SUCLG2: variants seen among roughly 807,000 people sequenced by gnomAD.
SUCLG2 encodes succinate--CoA ligase [GDP-forming] subunit beta, mitochondrial.
SUCLG2 carries 42 observed loss-of-function variants against 47.9 expected under a neutral mutation model. The ratio of observed to expected loss-of-function variants is 0.88; its 90% CI spans 0.69 to 1.14. The LOEUF (loss-of-function observed/expected upper bound fraction) is 1.14. Among genes scored for constraint, SUCLG2 ranks in the 50% most tolerant of loss-of-function variants. SUCLG2 has a pLI of 0.00. For synonymous variants in SUCLG2, 195 were observed against 197.3 expected, an observed-to-expected ratio of 0.99 and a Z score of 0.10; for missense variants, 571 against 525.9, an observed-to-expected ratio of 1.09 and a Z score of -0.84.
chr3:67,536,763 G>C (rs2107164725), intron 2 of SUCLG2, among the ~76,000 whole-genome samples: 1 of 152,234 alleles, frequency 6.6e-6, no homozygotes, highest in African/African-American at 2.4e-5. Flanking sequence ...TCATACAGCT[G>C]AAAAATGCAC....
chr3:67,473,704 C>T (rs1202057035), intron 9 of SUCLG2, among the ~76,000 whole-genome samples: 3 of 152,208 alleles, frequency 2.0e-5, no homozygotes, highest in Non-Finnish European at 2.9e-5. Context: ...CTGTTTTCTA[C>T]AGATAACTTC....
At chr3:67,507,213 T>C (rs572770765) in intron 7 of SUCLG2, among the ~76,000 whole-genome samples, 1 of 150,510 alleles carries the variant, frequency 6.6e-6, no homozygotes, top group Non-Finnish European at 1.5e-5. Flanking sequence ...TTAAAAAAAA[T>C]ATTTATGAAT....
At chr3:67,376,565 T>C (rs902823966) in intron 10 of SUCLG2, 2 of 923,000 alleles carry the variant, frequency 2.2e-6, no homozygotes, top group African/African-American at 3.6e-5. Context: ...CTACATCATT[T>C]CCTGTGCTTT....
At chr3:67,652,671 T>C (rs959770267) in intron 1 of SUCLG2, among the ~76,000 whole-genome samples, 1 of 152,222 alleles carries the variant, frequency 6.6e-6, no homozygotes, top group South Asian at 2.1e-4. Flanking sequence ...CATGTTGATA[T>C]AATATATTTT....
intron 1 of SUCLG2, among the ~76,000 whole-genome samples, chr3:67,627,682 T>C (rs1700858251): frequency 6.6e-6 from 1 of 152,240 alleles, no homozygotes; most frequent in Non-Finnish European, 1.5e-5. Context: ...ATAGAGATGA[T>C]ATCTGCTCCT....
intron 10 of SUCLG2, among the ~76,000 whole-genome samples, chr3:67,393,743 C>T (rs1006302118): frequency 2.6e-5 from 4 of 152,310 alleles, no homozygotes; most frequent in Non-Finnish European, 5.9e-5. Flanking sequence ...TGACCCCTGA[C>T]CCCTGAGCAG....
At position 67,633,123 on chromosome 3, in the gene SUCLG2, T is replaced by A. The variant is rs192094017; in HGVS notation, c.84+21380A>T. On this transcript the variant is annotated intron_variant, in intron 1 of 10. Coordinates refer to ENST00000307227, the MANE Select transcript of SUCLG2 (RefSeq NM_003848.4). Reference sequence around the variant, plus strand: ...ATGAAGGTACAGGTAGTGCATTTTTTAATTAATGTGCTTAAGCCAGAAAAC... The same window carrying A: ...ATGAAGGTACAGGTAGTGCATTTTTAAATTAATGTGCTTAAGCCAGAAAAC... Among the ~76,000 whole-genome samples the A allele has an allele frequency of 3.5e-3, 536 of 152,334 alleles. 3 individuals carry two copies. Among genetic ancestry groups the A allele is most frequent in the Non-Finnish European group, 5.0e-3 (337 of 68,028 alleles).
chr3:67,490,690 A>G (rs1282716255), intron 9 of SUCLG2, among the ~76,000 whole-genome samples: 1 of 152,230 alleles, frequency 6.6e-6, no homozygotes, highest in East Asian at 1.9e-4. Context: ...CAGAAAATAT[A>G]AAAAGCCAAA....
chr3:67,550,998 T>C (rs1707000460), intron 2 of SUCLG2, among the ~76,000 whole-genome samples: 1 of 152,318 alleles, frequency 6.6e-6, no homozygotes, highest in South Asian at 2.1e-4. Flanking sequence ...AAGTAAATGG[T>C]AGATGATAAT....
chr3:67,618,123 T>G (rs1700663067), intron 1 of SUCLG2, among the ~76,000 whole-genome samples: 1 of 152,156 alleles, frequency 6.6e-6, no homozygotes, highest in Non-Finnish European at 1.5e-5. Flanking sequence ...GAAAGCATCT[T>G]AAAATGTGCT....
intron 9 of SUCLG2, among the ~76,000 whole-genome samples, chr3:67,410,467 A>T (rs942558468): frequency 7.2e-5 from 11 of 151,830 alleles, no homozygotes; most frequent in African/African-American, 2.7e-4. Flanking sequence ...AAGGGCACAG[A>T]GATTTGGGGG....
intron 9 of SUCLG2, among the ~76,000 whole-genome samples, chr3:67,452,643 C>G (rs540721357): frequency 2.6e-5 from 4 of 152,200 alleles, no homozygotes; most frequent in South Asian, 4.2e-4. Context: ...TCCTCCCTTC[C>G]CACTCTTCCT....
At chr3:67,615,484 T>C (rs866324525) in intron 1 of SUCLG2, among the ~76,000 whole-genome samples, 5 of 152,088 alleles carry the variant, frequency 3.3e-5, no homozygotes, top group African/African-American at 4.8e-5. Flanking sequence ...TACTGCTCAC[T>C]TGGGAAGGCA....
intron 10 of SUCLG2, among the ~76,000 whole-genome samples, chr3:67,399,406 T>C (rs984056405): frequency 6.6e-6 from 1 of 152,216 alleles, no homozygotes; most frequent in African/African-American, 2.4e-5. Flanking sequence ...ACACTATAGT[T>C]GCTCAGACTT....
intron 2 of SUCLG2, among the ~76,000 whole-genome samples, chr3:67,580,045 T>C (rs945482430): frequency 1.3e-5 from 2 of 152,178 alleles, no homozygotes; most frequent in African/African-American, 4.8e-5. Flanking sequence ...GAATATACTG[T>C]AGCAAATCTC....
intron 1 of SUCLG2, among the ~76,000 whole-genome samples, chr3:67,613,561 G>C (rs1575817087): frequency 6.6e-6 from 1 of 152,152 alleles, no homozygotes; most frequent in Non-Finnish European, 1.5e-5. Flanking sequence ...GATGGTAGCT[G>C]ATCTATCAGC....
At chr3:67,451,069 T>G (rs1704046360) in intron 9 of SUCLG2, among the ~76,000 whole-genome samples, 2 of 152,194 alleles carry the variant, frequency 1.3e-5, no homozygotes. Flanking sequence ...TATTCCCAAT[T>G]TATAGGTGAC....
intron 8 of SUCLG2, among the ~76,000 whole-genome samples, chr3:67,496,653 T>C (rs1464880464): frequency 6.6e-6 from 1 of 152,192 alleles, no homozygotes; most frequent in African/African-American, 2.4e-5. Flanking sequence ...AACCAAAATG[T>C]GCCAACATCT....
chr3:67,399,551 C>A (rs1202373414), intron 10 of SUCLG2, among the ~76,000 whole-genome samples: 1 of 152,110 alleles, frequency 6.6e-6, no homozygotes, highest in Non-Finnish European at 1.5e-5. Context: ...GTGCACCTGC[C>A]CTGTGAACTT....
Sources: allele counts gnomAD v4.1 joint callset (sites outside exome capture counted in the v4.1 genomes callset), GRCh38; gene constraint gnomAD v4.1.1; transcripts MANE v1.5; gene names NCBI Gene and HGNC (gene_info 2026-07-23, HGNC 2026-07-21).